The following NUP210 variants were observed in gnomAD, a reference collection of about 807,000 sequenced individuals.
NUP210 encodes the protein nuclear pore membrane glycoprotein 210.
NUP210 carries 151 observed loss-of-function variants against 196.0 expected under a neutral mutation model. That is an observed-to-expected ratio of 0.77 (90% CI 0.67 to 0.88). The LOEUF is 0.88. NUP210 is among the 40% of genes least tolerant of loss of function. The pLI is 0.00. For synonymous variants in NUP210, 1,070 were observed against 1,052.7 expected, an observed-to-expected ratio of 1.02 and a Z score of -0.32; for missense variants, 2,314 against 2,493.7, an observed-to-expected ratio of 0.93 and a Z score of 1.53.
intron 4 of NUP210, 68 bp downstream of exon 4, chr3:13,391,143 G>A (rs1559342478): frequency 9.1e-7 from 1 of 1,092,920 alleles, no homozygotes; most frequent in Admixed American, 1.9e-5. Context: ...CCGCTGGTGA[G>A]GAGCTCACAG....
At chr3:13,386,143 G>A (rs1181470247) in intron 6 of NUP210, 132 bp downstream of exon 6, 20 of 932,342 alleles carry the variant, frequency 2.1e-5, no homozygotes, top group Non-Finnish European at 3.1e-5. Flanking sequence ...GCAGAAGAGT[G>A]TGAATGTACT....
intron 11 of NUP210, among the ~76,000 whole-genome samples, chr3:13,374,329 C>G (rs1245403445): frequency 1.3e-5 from 2 of 152,222 alleles, no homozygotes; most frequent in Non-Finnish European, 2.9e-5. Context: ...CACACGCACA[C>G]AAACTTTCTC....
chr3:13,322,189 T>G lies in NUP210; in HGVS notation c.4915+4A>C. On this transcript the variant is annotated splice_donor_region_variant and intron_variant, in intron 35 of 39. Coordinates refer to ENST00000254508, the MANE Select transcript of NUP210 (RefSeq NM_024923.4). ...CCCTTTCACTTTCAAATCCTCGCAA[T>G]TACCGAGAGCAGTGTCAAACTGTGG... 6.2e-7 allele frequency: 1 copy of G among 1,614,114 alleles called. No individual in the cohort carries two copies. Among genetic ancestry groups the G allele is most frequent in the East Asian group, 2.2e-5 (1 of 44,882 alleles).
intron 3 of NUP210, among the ~76,000 whole-genome samples, chr3:13,393,099 G>T (rs943842773): frequency 5.3e-5 from 8 of 152,282 alleles, no homozygotes; most frequent in Admixed American, 5.2e-4. Flanking sequence ...GCTACCCTGG[G>T]GCTTCCACCC....
chr3:13,416,391 G>A (rs1161759031), intron 1 of NUP210, among the ~76,000 whole-genome samples: 1 of 152,192 alleles, frequency 6.6e-6, no homozygotes, highest in Non-Finnish European at 1.5e-5. Context: ...GTCTCCGCCA[G>A]AGGCCCGGGA....
chr3:13,358,364 C>G lies in NUP210; in HGVS notation c.2186G>C (p.Ser729Thr). The change falls in exon 16 of 40, where the codon AGC becomes ACC. Residue 729 changes from serine (S) to threonine (T), a missense_variant. Physicochemically the swap from Ser to Thr is moderately conservative, Grantham distance 58. Coordinates refer to ENST00000254508, the MANE Select transcript of NUP210 (RefSeq NM_024923.4). Reference sequence around the variant, plus strand: ...CACCGCAGGAAAGGGGTTGGTGAGGCTGGGCTTGTTCCCCACCGACAGGGC... The same window carrying G: ...CACCGCAGGAAAGGGGTTGGTGAGGGTGGGCTTGTTCCCCACCGACAGGGC... ...VIALSVGNKPSLTNPFPAVEP... is the reference protein window; with the variant it reads ...VIALSVGNKPTLTNPFPAVEP... 1.2e-6 allele frequency: 2 copies of G among 1,613,294 alleles called. No homozygotes were observed. The highest frequency in any genetic ancestry group is 1.7e-6 in the Non-Finnish European group (2 of 1,179,552).
intron 36 of NUP210, 120 bp from the exon 37 acceptor site, chr3:13,320,099 G>A (rs573774029): frequency 3.4e-5 from 30 of 884,330 alleles, no homozygotes; most frequent in South Asian, 4.9e-5. Context: ...AAGCACCCCC[G>A]CTTCAGCCTG....
chr3:13,397,305 G>C (rs1699690155), intron 3 of NUP210, 52 bp downstream of exon 3: 2 of 1,577,412 alleles, frequency 1.3e-6, no homozygotes, highest in African/African-American at 2.8e-5. Flanking sequence ...TCATGGTGGG[G>C]GGATGATCTA....
intron 1 of NUP210, among the ~76,000 whole-genome samples, chr3:13,412,702 A>C (rs949859189): frequency 2.0e-5 from 3 of 151,734 alleles, no homozygotes; most frequent in Non-Finnish European, 4.4e-5. Flanking sequence ...CAATACAGCA[A>C]GACTCCATCT....
At chr3:13,330,399 G>T (rs753417417) in intron 30 of NUP210, 61 bp downstream of exon 30, 23 of 1,480,414 alleles carry the variant, frequency 1.6e-5, no homozygotes, top group Non-Finnish European at 2.0e-5. Flanking sequence ...ACACCTGAGA[G>T]GCATATTACC....
Position 13,343,307 on chromosome 3 carries a change from C to T in NUP210, c.2836-4G>A. On this transcript the variant is annotated splice_polypyrimidine_tract_variant and splice_region_variant and intron_variant, in intron 20 of 39. Coordinates refer to ENST00000254508, the MANE Select transcript of NUP210 (RefSeq NM_024923.4). Reference sequence around the variant, plus strand: ...AGCCCGGGAGCAAAGGGTGCACCTGCAAGGTTGGGGCGGAGGTGGAGGGGT... The same window carrying T: ...AGCCCGGGAGCAAAGGGTGCACCTGTAAGGTTGGGGCGGAGGTGGAGGGGT... The T allele has an allele frequency of 1.0e-6, 1 of 972,280 alleles. No individual in the cohort carries two copies. The highest frequency in any genetic ancestry group is 2.5e-5 in the Admixed American group (1 of 40,808). The allele number at this position is 972,280 out of a possible 1,614,324, so 60.2% of individuals were successfully genotyped here.
intron 1 of NUP210, among the ~76,000 whole-genome samples, chr3:13,400,670 C>A (rs967036049): frequency 6.6e-5 from 10 of 152,336 alleles, no homozygotes; most frequent in African/African-American, 2.4e-4. Flanking sequence ...GGCTCTCAGG[C>A]CTAGTGTACA....
chr3:13,371,979 T>G lies in NUP210; in HGVS notation c.1641A>C (p.Ala547=). 1 of 1,600,828 alleles carries G rather than the reference T, an allele frequency of 6.2e-7. No homozygotes were observed. Among genetic ancestry groups the G allele is most frequent in the Non-Finnish European group, 8.5e-7 (1 of 1,173,738 alleles). The change falls in exon 13 of 40, where the codon GCA becomes GCC. Residue 547 remains alanine (A), a synonymous_variant. Transcript: ENST00000254508. ...SMEFAPCQVE[A]RVGQALELPL... ...GCAGCTCCAGGGCCTGGCCCACACG[T>G]GCCTCCACCTGGCACGGGGCAAACT...
At chr3:13,390,403 A>G (rs1699448189) in intron 4 of NUP210, among the ~76,000 whole-genome samples, 1 of 152,256 alleles carries the variant, frequency 6.6e-6, no homozygotes, top group Admixed American at 6.5e-5. Flanking sequence ...AAGGCGGCAC[A>G]GTCGGGAATA....
rs1389943640 is a variant in NUP210 at position 13,399,708 on chromosome 3, C to T, written c.304+17G>A. 6 of 1,613,922 alleles carry T rather than the reference C, an allele frequency of 3.7e-6. No homozygotes were observed. Among genetic ancestry groups the T allele is most frequent in the Non-Finnish European group, 5.1e-6 (6 of 1,179,978 alleles). On this transcript the variant is annotated intron_variant, in intron 2 of 39. Coordinates refer to ENST00000254508, the MANE Select transcript of NUP210 (RefSeq NM_024923.4). ...TCTGGCTCCCACCGGGGATCACACA[C>T]AGCACTCAGCCCTTACTGATGTCCT...
intron 17 of NUP210, 50 bp from the exon 18 acceptor site, chr3:13,353,710 C>T (rs773938658): frequency 1.0e-5 from 15 of 1,501,252 alleles, no homozygotes; most frequent in Non-Finnish European, 9.3e-6. Context: ...CCATCACCAC[C>T]CCTGAAGCAG....
At position 13,386,122 on chromosome 3, in the gene NUP210, T is replaced by C. The variant is rs1488183766; in HGVS notation, c.817+153A>G. Among the ~76,000 whole-genome samples, 3 of 152,128 alleles carry C rather than the reference T, an allele frequency of 2.0e-5. No homozygotes were observed. In the East Asian group the frequency reaches 5.8e-4, roughly 29 times the overall value. On this transcript the variant is annotated intron_variant, in intron 6 of 39. Coordinates refer to ENST00000254508, the MANE Select transcript of NUP210 (RefSeq NM_024923.4). ...ATGAACGAGTTCTGTGGATGGATGATGGTGATGGCTGCAGAAGAGTGTGAA... is the reference window on the plus strand; with the variant it reads ...ATGAACGAGTTCTGTGGATGGATGACGGTGATGGCTGCAGAAGAGTGTGAA...
intron 23 of NUP210, among the ~76,000 whole-genome samples, chr3:13,341,546 C>T (rs558887328): frequency 6.6e-6 from 1 of 152,342 alleles, no homozygotes; most frequent in South Asian, 2.1e-4. Context: ...CACTTGGCCC[C>T]CTCCCTCTGG....
intron 1 of NUP210, among the ~76,000 whole-genome samples, chr3:13,411,464 T>C (rs1700172419): frequency 6.6e-6 from 1 of 152,222 alleles, no homozygotes; most frequent in Non-Finnish European, 1.5e-5. Flanking sequence ...TTGTTTATTG[T>C]TCATTTTTAG....
Sources: allele counts gnomAD v4.1 joint callset (sites outside exome capture counted in the v4.1 genomes callset), GRCh38; gene constraint gnomAD v4.1.1; transcripts MANE v1.5; gene names NCBI Gene and HGNC (gene_info 2026-07-23, HGNC 2026-07-21).